MAML3: variants seen among roughly 807,000 people sequenced by gnomAD.
The protein encoded by MAML3 is mastermind-like protein 3.
In MAML3, 27 loss-of-function variants were observed where a neutral mutation model predicts 101.9. That is an observed-to-expected ratio of 0.27 (90% CI 0.20 to 0.37). The LOEUF (loss-of-function observed/expected upper bound fraction) is 0.37. Among genes scored for constraint, MAML3 ranks in the 10% least tolerant of loss-of-function variants. The probability of loss-of-function intolerance (pLI) is 1.00; values close to 1 mark genes in which losing one functional copy is unlikely to be tolerated. For missense variants in MAML3, 1,316 were observed against 1,444.9 expected (o/e 0.91, Z 1.45); for synonymous variants, 501 against 555.9 (o/e 0.90, Z 1.39).
rs564020022 is a variant in MAML3, at chr4:139,850,297, C to T, written c.2079+39060G>A. ...TCACTATTACTGTCTCAGCACTCCT[C>T]GTTCATCCAGTTAATCTCACTCTGC... On this transcript the variant is annotated intron_variant, in intron 2 of 4. Coordinates refer to ENST00000509479, the MANE Select transcript of MAML3 (RefSeq NM_018717.5). 2.0e-5 allele frequency among the ~76,000 whole-genome samples: 3 copies of T among 152,316 alleles called. No homozygotes were observed. In the East Asian group the frequency reaches 5.8e-4, roughly 29 times the overall value.
chr4:139,770,500 T>C (rs1468237449), intron 2 of MAML3, among the ~76,000 whole-genome samples: 1 of 152,182 alleles, frequency 6.6e-6, no homozygotes, highest in East Asian at 1.9e-4. Flanking sequence ...CCTCCCAGGA[T>C]CCTAAGGGAG....
At chr4:139,794,063 G>A (rs1447755662) in intron 2 of MAML3, 1 of 152,164 alleles carries the variant, frequency 6.6e-6, no homozygotes, top group Non-Finnish European at 1.5e-5. Context: ...CCCTGGCCTT[G>A]TTATGATCTT....
At chr4:139,918,369 G>A (rs992671383) in intron 1 of MAML3, among the ~76,000 whole-genome samples, 1 of 152,064 alleles carries the variant, frequency 6.6e-6, no homozygotes, top group Non-Finnish European at 1.5e-5. Context: ...TGGCCTCTCC[G>A]AGGGCTCTTC....
chr4:140,035,793 A>C (rs1329785193), intron 1 of MAML3, among the ~76,000 whole-genome samples: 3 of 152,054 alleles, frequency 2.0e-5, no homozygotes, highest in African/African-American at 7.2e-5. Flanking sequence ...AAAAAAAAAA[A>C]AAAACCCAAA....
intron 2 of MAML3, among the ~76,000 whole-genome samples, chr4:139,836,168 T>C (rs1027989749): frequency 2.0e-5 from 3 of 152,224 alleles, no homozygotes; most frequent in African/African-American, 4.8e-5. Context: ...GCAGTTTCTA[T>C]AGATAAACTA....
At chr4:139,859,631 T>C (rs1294010693) in intron 2 of MAML3, among the ~76,000 whole-genome samples, 1 of 152,184 alleles carries the variant, frequency 6.6e-6, no homozygotes, top group Non-Finnish European at 1.5e-5. Flanking sequence ...ATCTACTAAG[T>C]GCTAGGAACT....
intron 1 of MAML3, among the ~76,000 whole-genome samples, chr4:139,927,003 G>A (rs1733276612): frequency 6.6e-6 from 1 of 151,844 alleles, no homozygotes; most frequent in South Asian, 2.1e-4. Context: ...CTTTTGAGGA[G>A]AACTGATGAA....
intron 1 of MAML3, among the ~76,000 whole-genome samples, chr4:140,016,193 A>T (rs1370744617): frequency 6.6e-6 from 1 of 152,240 alleles, no homozygotes; most frequent in African/African-American, 2.4e-5. Flanking sequence ...ATTTACACTT[A>T]CTGAAAGATG....
intron 2 of MAML3, among the ~76,000 whole-genome samples, chr4:139,800,999 C>T (rs1247774832): frequency 6.6e-6 from 1 of 152,246 alleles, no homozygotes; most frequent in African/African-American, 2.4e-5. Context: ...TGTCAGGGAT[C>T]TGGCCTGGTG....
At chr4:139,908,759 T>G (rs1254191138) in intron 1 of MAML3, among the ~76,000 whole-genome samples, 1 of 152,228 alleles carries the variant, frequency 6.6e-6, no homozygotes, top group African/African-American at 2.4e-5. Flanking sequence ...ATTCATAAAC[T>G]TCATGTAAAC....
chr4:140,104,389 TA>T (rs1560894691), intron 1 of MAML3, among the ~76,000 whole-genome samples: 1 of 58,854 alleles, frequency 1.7e-5, no homozygotes, highest in East Asian at 4.0e-4. Context: ...ATATATATAT[TA>T]TATATTATAT....
At chr4:139,796,713 G>A (rs1364497830) in intron 2 of MAML3, among the ~76,000 whole-genome samples, 2 of 152,180 alleles carry the variant, frequency 1.3e-5, no homozygotes, top group East Asian at 3.9e-4. Context: ...TGAACCATGA[G>A]GTAGAGGCTA....
intron 2 of MAML3, among the ~76,000 whole-genome samples, chr4:139,831,014 G>A (rs145286099): frequency 1.6e-4 from 25 of 152,214 alleles, no homozygotes; most frequent in African/African-American, 5.1e-4. Context: ...ACATTCTGGC[G>A]ATAAGGAGAT....
intron 1 of MAML3, among the ~76,000 whole-genome samples, chr4:140,122,643 T>A (rs886676387): frequency 2.0e-5 from 3 of 151,590 alleles, no homozygotes; most frequent in African/African-American, 7.3e-5. Flanking sequence ...ATACAAAAAA[T>A]TAGCCGGGCG....
chr4:139,958,396 TG>T (rs1733948932), intron 1 of MAML3, among the ~76,000 whole-genome samples: 1 of 152,188 alleles, frequency 6.6e-6, no homozygotes, highest in Non-Finnish European at 1.5e-5. Flanking sequence ...GATACCTACA[TG>T]AATATGGCAG....
intron 3 of MAML3, among the ~76,000 whole-genome samples, chr4:139,728,865 G>A (rs1218389870): frequency 1.3e-5 from 2 of 152,182 alleles, no homozygotes; most frequent in African/African-American, 2.4e-5. Flanking sequence ...AGCTCTGCCT[G>A]CTTGCCCTGG....
chr4:139,751,291 A>G (rs58181781), intron 2 of MAML3, among the ~76,000 whole-genome samples: 26,195 of 152,152 alleles, frequency 0.17, 2,911 homozygotes, highest in African/African-American at 0.31. Context: ...TATCCAAAAT[A>G]TTTGGGATCA....
At chr4:140,106,866 G>A (rs1162483790) in intron 1 of MAML3, among the ~76,000 whole-genome samples, 1 of 152,144 alleles carries the variant, frequency 6.6e-6, no homozygotes, top group Non-Finnish European at 1.5e-5. Context: ...TAAGAAGAGT[G>A]GTGGTGTTTG....
chr4:140,000,040 C>T (rs1233753678), intron 1 of MAML3, among the ~76,000 whole-genome samples: 3 of 152,158 alleles, frequency 2.0e-5, no homozygotes, highest in Non-Finnish European at 4.4e-5. Context: ...AAAAGTCTCT[C>T]CCCCAAAACA....
Sources: allele counts gnomAD v4.1 joint callset (sites outside exome capture counted in the v4.1 genomes callset), GRCh38; gene constraint gnomAD v4.1.1; transcripts MANE v1.5; gene names NCBI Gene and HGNC (gene_info 2026-07-23, HGNC 2026-07-21).